CDC40: variants seen among roughly 807,000 people sequenced by gnomAD.
CDC40 encodes the protein cell division cycle 40.
A neutral mutation model predicts 80.6 loss-of-function variants in CDC40; 27 were observed. That is an observed-to-expected ratio of 0.33 (90% CI 0.25 to 0.46). The LOEUF (loss-of-function observed/expected upper bound fraction) is 0.46. CDC40 is among the 20% of genes least tolerant of loss of function. The pLI, the probability that CDC40 is intolerant of heterozygous loss-of-function variation, is 1.00. For missense variants in CDC40, 486 were observed against 694.1 expected (o/e 0.70, Z 3.37); for synonymous variants, 221 against 232.6 (o/e 0.95, Z 0.45).
chr6:110,192,798 A>AT (rs1777368463), intron 1 of CDC40, among the ~76,000 whole-genome samples: 1 of 152,182 alleles, frequency 6.6e-6, no homozygotes, highest in Admixed American at 6.5e-5. Flanking sequence ...ACCAAGTGCA[A>AT]TTTGGTTGCA....
Position 110,231,330 on chromosome 6 carries a change from T to C in CDC40, c.*1199T>C, listed in dbSNP as rs1393103090. The C allele has an allele frequency of 6.6e-6, 1 of 152,160 alleles. No individual in the cohort carries two copies. Among genetic ancestry groups the C allele is most frequent in the African/African-American group, 2.4e-5 (1 of 41,410 alleles). 9.4% of individuals were successfully genotyped at this position (152,160 alleles called of 1,614,324 possible). On this transcript the variant is annotated 3_prime_UTR_variant, in exon 15 of 15. Coordinates refer to ENST00000307731, the MANE Select transcript of CDC40 (RefSeq NM_015891.3). ...GCCTGGCCAACATAGTGAAACCCCGTCTCTACTAAAAACACAAAAATTAGC... is the reference window on the plus strand; with the variant it reads ...GCCTGGCCAACATAGTGAAACCCCGCCTCTACTAAAAACACAAAAATTAGC...
intron 12 of CDC40, among the ~76,000 whole-genome samples, chr6:110,224,922 C>A (rs953994833): frequency 2.0e-5 from 3 of 152,100 alleles, no homozygotes; most frequent in African/African-American, 7.2e-5. Flanking sequence ...AAATTATTAA[C>A]CACTAACAAT....
intron 6 of CDC40, chr6:110,211,242 A>T (rs571443795): frequency 6.6e-6 from 1 of 152,210 alleles, no homozygotes; most frequent in Non-Finnish European, 1.5e-5. Flanking sequence ...TCGTGTGAAA[A>T]GATGGAGCTT....
chr6:110,192,061 G>A (rs1027559676), intron 1 of CDC40, among the ~76,000 whole-genome samples: 1 of 152,184 alleles, frequency 6.6e-6, no homozygotes, highest in Non-Finnish European at 1.5e-5. Context: ...ACCAGTGGTT[G>A]TCAGGCCTTT....
intron 12 of CDC40, chr6:110,224,400 G>A (rs1362395519): frequency 6.6e-6 from 1 of 151,752 alleles, no homozygotes; most frequent in Non-Finnish European, 1.5e-5. Flanking sequence ...ATTTATTTTT[G>A]TGATGGAGTC....
chr6:110,186,764 A>G (rs567344674), intron 1 of CDC40, among the ~76,000 whole-genome samples: 14 of 152,180 alleles, frequency 9.2e-5, no homozygotes, highest in Non-Finnish European at 1.8e-4. Flanking sequence ...TAGGATACAC[A>G]TGTGTAGATT....
intron 1 of CDC40, among the ~76,000 whole-genome samples, chr6:110,190,674 G>A (rs1029734074): frequency 6.6e-5 from 10 of 152,146 alleles, no homozygotes; most frequent in Non-Finnish European, 8.8e-5. Context: ...CACCTGGGGT[G>A]GCCTGGTTGT....
At chr6:110,227,349 C>T (rs1017052033) in intron 13 of CDC40, among the ~76,000 whole-genome samples, 1 of 152,100 alleles carries the variant, frequency 6.6e-6, no homozygotes, top group African/African-American at 2.4e-5. Context: ...ATTTGCTGTT[C>T]CATCAGGGCC....
chr6:110,229,018 A>T, intron 14 of CDC40, 42 bp downstream of exon 14: 3 of 1,488,634 alleles, frequency 2.0e-6, no homozygotes, highest in Non-Finnish European at 2.8e-6. Flanking sequence ...TTCAAATATG[A>T]TTATATAAAC....
chr6:110,231,939 C>G lies in CDC40; in HGVS notation c.*1808C>G, dbSNP rs1483458307. The G allele has an allele frequency of 6.9e-6, 1 of 145,562 alleles. No individual in the cohort carries two copies. The highest frequency in any genetic ancestry group is 1.5e-5 in the Non-Finnish European group (1 of 66,716). 9.0% of individuals were successfully genotyped at this position (145,562 alleles called of 1,614,324 possible). A position where few individuals can be genotyped will look rare whatever the true frequency, so the allele number is the denominator to read the frequency against. On this transcript the variant is annotated 3_prime_UTR_variant, in exon 15 of 15. Transcript: ENST00000307731. ...AGCTGCTGCCATTTCTGTAACTGCC[C>G]AGAAGGGTGACAGATTTCTGAAGGG...
intron 14 of CDC40, among the ~76,000 whole-genome samples, chr6:110,229,233 C>T (rs545761199): frequency 6.6e-6 from 1 of 152,262 alleles, no homozygotes; most frequent in Admixed American, 6.5e-5. Context: ...TAATAAATCC[C>T]TGTCTATATA....
At chr6:110,202,969 T>C (rs1187121692) in intron 3 of CDC40, among the ~76,000 whole-genome samples, 1 of 152,170 alleles carries the variant, frequency 6.6e-6, no homozygotes, top group Non-Finnish European at 1.5e-5. Flanking sequence ...TATAGTATAT[T>C]AGGCAGCCTA....
intron 1 of CDC40, among the ~76,000 whole-genome samples, chr6:110,184,040 C>T (rs1220134510): frequency 6.6e-6 from 1 of 152,078 alleles, no homozygotes; most frequent in Non-Finnish European, 1.5e-5. Flanking sequence ...CTTTATGTAT[C>T]GGGTTCCTGT....
chr6:110,192,527 G>A (rs1000367041), intron 1 of CDC40, among the ~76,000 whole-genome samples: 3 of 152,186 alleles, frequency 2.0e-5, no homozygotes, highest in African/African-American at 4.8e-5. Context: ...AGAGATGTCA[G>A]GTTGAAGGTT....
Position 110,230,100 on chromosome 6 carries a change from G to A in CDC40, c.1709G>A (p.Gly570Asp). Residue 570 changes from glycine (G) to aspartate (D), a missense_variant, in exon 15 of 15, where the codon GGT (glycine) becomes GAT (aspartate). Around this residue, in one of 3 missense-constraint regions of CDC40, gnomAD observed 88 missense variants for 138.7 expected, o/e 0.63. Transcript: ENST00000307731. ...PHETSKVITC[G>D]WDGLIKLWD The stretch of plus-strand genomic sequence containing the variant: ...GAAACTTCTAAGGTCATAACATGTG[G>A]TTGGGATGGTCTCATTAAATTGTGG... The A allele has an allele frequency of 6.2e-7, 1 of 1,612,352 alleles. No homozygotes were observed. Among genetic ancestry groups the A allele is most frequent in the Non-Finnish European group, 8.5e-7 (1 of 1,178,702 alleles).
intron 1 of CDC40, among the ~76,000 whole-genome samples, chr6:110,183,067 T>C (rs886087855): frequency 6.6e-6 from 1 of 152,214 alleles, no homozygotes; most frequent in African/African-American, 2.4e-5. Context: ...CACGCTAGTC[T>C]TTCTGCCTGG....
intron 6 of CDC40, 91 bp downstream of exon 6, chr6:110,210,894 C>A: frequency 2.0e-6 from 1 of 497,448 alleles, no homozygotes; most frequent in Non-Finnish European, 3.4e-6. Flanking sequence ...CCCTTACTAT[C>A]AGCTGTAATA....
At chr6:110,205,608 G>A (rs910987355) in intron 3 of CDC40, among the ~76,000 whole-genome samples, 2 of 152,200 alleles carry the variant, frequency 1.3e-5, no homozygotes, top group Admixed American at 1.3e-4. Context: ...ACAGTGGCCA[G>A]ATGAGTTGGG....
chr6:110,204,659 CTTTT>C (rs55895216), intron 3 of CDC40, among the ~76,000 whole-genome samples: 4 of 119,298 alleles, frequency 3.4e-5, no homozygotes, highest in East Asian at 2.3e-4. Flanking sequence ...TCCTATTTCT[CTTTT>C]TTTTTTTTTT....
Sources: gnomAD v4.1 joint callset for allele counts (sites outside exome capture counted in the v4.1 genomes callset) on GRCh38, gnomAD v4.1.1 for gene constraint, gnomAD v4.1.1 regional missense constraint, MANE v1.5 for transcripts, NCBI Gene and HGNC (gene_info 2026-07-23, HGNC 2026-07-21) for gene names.